HSPBAP1: variants seen among roughly 807,000 people sequenced by gnomAD.
HSPBAP1 encodes HSPB1 associated protein 1.
A neutral mutation model predicts 45.2 loss-of-function variants in HSPBAP1; 27 were observed. That is an observed-to-expected ratio of 0.60 (90% CI 0.44 to 0.82). The LOEUF is 0.82. HSPBAP1 is among the 40% of genes least tolerant of loss of function. The pLI is 0.00. For missense variants in HSPBAP1, 510 were observed against 590.9 expected (o/e 0.86, Z 1.42); for synonymous variants, 204 against 202.7 (o/e 1.01, Z -0.06).
intron 2 of HSPBAP1, among the ~76,000 whole-genome samples, chr3:122,771,707 G>A (rs1414322455): frequency 2.0e-5 from 3 of 152,156 alleles, no homozygotes; most frequent in Non-Finnish European, 2.9e-5. Flanking sequence ...CACTGAGCAC[G>A]TATCTTGGGA....
Position 122,785,193 on chromosome 3 carries a change from C to T in HSPBAP1, c.65-7287G>A, listed in dbSNP as rs898576678. On this transcript the variant is annotated intron_variant, in intron 1 of 7. Coordinates refer to ENST00000306103, the MANE Select transcript of HSPBAP1 (RefSeq NM_024610.6). ...CATAGATAATCATTCACATGTGCTC[C>T]AGGGAGAGAGGAATGTTTTGAGGAG... Among the ~76,000 whole-genome samples, 4 of 152,128 alleles carry T rather than the reference C, an allele frequency of 2.6e-5. No individual in the cohort carries two copies. The East Asian group carries it at 5.8e-4, about 22-fold the overall frequency.
At chr3:122,762,143 T>C (rs910731186) in intron 3 of HSPBAP1, among the ~76,000 whole-genome samples, 1 of 152,144 alleles carries the variant, frequency 6.6e-6, no homozygotes. Context: ...TACTACAAAA[T>C]CAGTATCTAC....
chr3:122,763,842 T>C (rs989297430), intron 3 of HSPBAP1, among the ~76,000 whole-genome samples: 7 of 152,264 alleles, frequency 4.6e-5, no homozygotes, highest in Admixed American at 3.3e-4. Context: ...TATATAAGGA[T>C]AGCATTTAAG....
intron 1 of HSPBAP1, among the ~76,000 whole-genome samples, chr3:122,778,809 C>T (rs759988401): frequency 7.8e-4 from 119 of 152,202 alleles, no homozygotes; most frequent in Admixed American, 1.9e-3. Flanking sequence ...GAATTACAGA[C>T]GTGAGCCACT....
At chr3:122,790,858 T>G (rs1935804756) in intron 1 of HSPBAP1, among the ~76,000 whole-genome samples, 1 of 152,200 alleles carries the variant, frequency 6.6e-6, no homozygotes, top group African/African-American at 2.4e-5. Context: ...AAATGAACTT[T>G]TCTATGACTC....
chr3:122,791,794 A>T (rs558540997), intron 1 of HSPBAP1, among the ~76,000 whole-genome samples: 186 of 152,358 alleles, frequency 1.2e-3, no homozygotes, highest in African/African-American at 4.2e-3. Context: ...GCCCAGACCA[A>T]GGATTATTAC....
intron 1 of HSPBAP1, among the ~76,000 whole-genome samples, chr3:122,792,840 C>T (rs1346680249): frequency 6.6e-6 from 1 of 151,156 alleles, no homozygotes; most frequent in Non-Finnish European, 1.5e-5. Flanking sequence ...CACTGCACTC[C>T]AGCCTGGTGA....
At chr3:122,749,667 G>A (rs535872339) in intron 6 of HSPBAP1, among the ~76,000 whole-genome samples, 1 of 152,220 alleles carries the variant, frequency 6.6e-6, no homozygotes, top group African/African-American at 2.4e-5. Context: ...AGAGTGCAAT[G>A]GCGCGATCTC....
chr3:122,778,718 G>A (rs767063738), intron 1 of HSPBAP1, among the ~76,000 whole-genome samples: 7 of 152,022 alleles, frequency 4.6e-5, no homozygotes, highest in Admixed American at 2.0e-4. Context: ...TTTTAGTAGA[G>A]ACGGGGTTTC....
rs142592436 is a variant in HSPBAP1, at chr3:122,755,427, G to A, written c.574C>T (p.Arg192Ter). The change falls in exon 5 of 8, where the codon CGA becomes TGA. Residue 192 changes from arginine (R) to a stop codon, truncating the protein, a stop_gained. Coordinates refer to ENST00000306103, the MANE Select transcript of HSPBAP1 (RefSeq NM_024610.6). LOFTEE classifies it high-confidence loss of function. ...TCTTCAGGAGGAAAGAGATGCCATC[G>A]TTTCCTAATTAAAAAAAAAAAAAAA... ...NLVFQVQGRK[R>*]WHLFPPEDTP... 1.8e-5 allele frequency: 25 copies of A among 1,379,728 alleles called. No homozygotes were observed. The highest frequency in any genetic ancestry group is 2.3e-5 in the Non-Finnish European group (24 of 1,050,538). 85.5% of individuals were successfully genotyped at this position (1,379,728 alleles called of 1,614,324 possible).
chr3:122,777,050 T>C (rs897177019), intron 2 of HSPBAP1, among the ~76,000 whole-genome samples: 1 of 152,230 alleles, frequency 6.6e-6, no homozygotes, highest in African/African-American at 2.4e-5. Flanking sequence ...ACTGTAATTT[T>C]AGAGTTAATG....
intron 3 of HSPBAP1, among the ~76,000 whole-genome samples, chr3:122,762,177 G>A (rs1934615848): frequency 6.6e-6 from 1 of 152,096 alleles, no homozygotes; most frequent in Non-Finnish European, 1.5e-5. Context: ...ACAGAGGAGG[G>A]TCCTAGATCT....
chr3:122,753,688 G>C, intron 5 of HSPBAP1: 1 of 984,860 alleles, frequency 1.0e-6, no homozygotes, highest in Non-Finnish European at 1.2e-6. Context: ...CTGTGAACAA[G>C]GCAGGACTGG....
chr3:122,747,641 G>T (rs1933943941), intron 6 of HSPBAP1, among the ~76,000 whole-genome samples: 1 of 146,640 alleles, frequency 6.8e-6, no homozygotes, highest in Non-Finnish European at 1.5e-5. Context: ...GGGGGGGTCA[G>T]CCCCCCGCCC....
At chr3:122,778,520 TTTA>T (rs1485991097) in intron 1 of HSPBAP1, among the ~76,000 whole-genome samples, 44 of 98,454 alleles carry the variant, frequency 4.5e-4, no homozygotes, top group Non-Finnish European at 7.5e-4. Context: ...TTCTTTTTTT[TTTA>T]TTTTTTTTTT....
intron 4 of HSPBAP1, 78 bp downstream of exon 4, chr3:122,759,146 C>T (rs1346174455): frequency 6.6e-7 from 1 of 1,506,332 alleles, no homozygotes; most frequent in South Asian, 1.2e-5. Context: ...TTGCCCTATT[C>T]TCTCTGCCAC....
At chr3:122,787,686 A>G (rs368713391) in intron 1 of HSPBAP1, among the ~76,000 whole-genome samples, 205 of 152,306 alleles carry the variant, frequency 1.3e-3, no homozygotes, top group African/African-American at 4.7e-3. Context: ...TGTTTCATCA[A>G]ACAACTATTG....
chr3:122,766,537 C>T (rs1341613435), intron 3 of HSPBAP1, among the ~76,000 whole-genome samples: 1 of 152,236 alleles, frequency 6.6e-6, no homozygotes, highest in African/African-American at 2.4e-5. Flanking sequence ...TGCCAAAAGG[C>T]TGCCCTTTAT....
At chr3:122,786,130 A>C (rs961502571) in intron 1 of HSPBAP1, among the ~76,000 whole-genome samples, 17 of 152,138 alleles carry the variant, frequency 1.1e-4, no homozygotes, top group African/African-American at 4.1e-4. Context: ...TAAAAAAAAA[A>C]ACAAAATTCC....
Sources: allele counts gnomAD v4.1 joint callset (sites outside exome capture counted in the v4.1 genomes callset), GRCh38; gene constraint gnomAD v4.1.1; transcripts MANE v1.5; gene names NCBI Gene and HGNC (gene_info 2026-07-23, HGNC 2026-07-21).